MED12L: variants seen among roughly 807,000 people sequenced by gnomAD.
MED12L encodes mediator of RNA polymerase II transcription subunit 12-like protein.
Under a neutral mutation model 281.3 loss-of-function variants are expected in MED12L, and 60 were observed. The ratio of observed to expected loss-of-function variants is 0.21; its 90% CI spans 0.17 to 0.26. MED12L has a LOEUF of 0.26. Among genes scored for constraint, MED12L ranks in the 10% least tolerant of loss-of-function variants. The pLI, the probability that MED12L is intolerant of heterozygous loss-of-function variation, is 1.00. For synonymous variants in MED12L, 974 were observed against 987.2 expected, an observed-to-expected ratio of 0.99 and a Z score of 0.25; for missense variants, 2,146 against 2,680.9, an observed-to-expected ratio of 0.80 and a Z score of 4.41.
Position 151,127,892 on chromosome 3 carries a change from G to C in MED12L, c.464G>C (p.Arg155Pro). The C allele has an allele frequency of 6.2e-7, 1 of 1,613,738 alleles. No homozygotes were observed. The highest frequency in any genetic ancestry group is 8.5e-7 in the Non-Finnish European group (1 of 1,179,706). ...GCTAAATATTCTGTGCCAATGGTTC[G>C]AGCAACGTGGCTGATCAAGATGACT... ...YLAKYSVPMV[R>P]ATWLIKMTCA... Residue 155 changes from arginine to proline, a missense_variant, in exon 5 of 45, where the codon CGA becomes CCA. Around this residue, in one of 9 missense-constraint regions of MED12L, gnomAD observed 722 missense variants for 861.2 expected, o/e 0.84. Coordinates refer to ENST00000687756, the MANE Select transcript of MED12L (RefSeq NM_001393769.1).
chr3:151,199,468 A>G (rs1725211596), intron 16 of MED12L: 3 of 1,216,188 alleles, frequency 2.5e-6, no homozygotes. Flanking sequence ...AAGGGAGGTT[A>G]GTAATTAAAA....
At chr3:151,420,539 G>C (rs1718120234) in intron 43 of MED12L, among the ~76,000 whole-genome samples, 1 of 152,098 alleles carries the variant, frequency 6.6e-6, no homozygotes, top group Admixed American at 6.5e-5. Flanking sequence ...TGTGAATCCT[G>C]GCTATGGGAG....
At chr3:151,268,669 A>G (rs1740294002) in intron 16 of MED12L, among the ~76,000 whole-genome samples, 1 of 152,212 alleles carries the variant, frequency 6.6e-6, no homozygotes, top group South Asian at 2.1e-4. Flanking sequence ...TAGAGCCTTT[A>G]GTAAGCTTTG....
At chr3:151,093,113 C>G (rs546990128) in intron 2 of MED12L, among the ~76,000 whole-genome samples, 5 of 152,164 alleles carry the variant, frequency 3.3e-5, no homozygotes, top group Admixed American at 1.3e-4. Flanking sequence ...TGAGGCCAGC[C>G]TGGGCAACAT....
At chr3:151,430,403 G>A in intron 44 of MED12L, 23 bp downstream of exon 44, 1 of 1,612,170 alleles carries the variant, frequency 6.2e-7, no homozygotes, top group South Asian at 1.1e-5. Flanking sequence ...GTGTGTCATG[G>A]AACAGACAGC....
At chr3:151,322,363 A>G (rs1310152608) in intron 16 of MED12L, among the ~76,000 whole-genome samples, 1 of 150,404 alleles carries the variant, frequency 6.6e-6, no homozygotes, top group Non-Finnish European at 1.5e-5. Context: ...TTTTTTTTTT[A>G]TTTTTTTATT....
chr3:151,229,233 A>G (rs988243827), intron 16 of MED12L, among the ~76,000 whole-genome samples: 5 of 151,754 alleles, frequency 3.3e-5, no homozygotes, highest in African/African-American at 1.2e-4. Context: ...TGTTTTGTGT[A>G]TTAATCCCTG....
chr3:151,091,420 A>G (rs1720034230), intron 2 of MED12L, among the ~76,000 whole-genome samples: 1 of 152,186 alleles, frequency 6.6e-6, no homozygotes, highest in Non-Finnish European at 1.5e-5. Flanking sequence ...CAGAAATTGC[A>G]CTGGTGACAA....
intron 5 of MED12L, among the ~76,000 whole-genome samples, chr3:151,138,314 A>T (rs1007079732): frequency 1.8e-4 from 27 of 152,098 alleles, no homozygotes; most frequent in African/African-American, 6.5e-4. Context: ...TGTTAAAAAA[A>T]CTTTTTAGAT....
In MED12L at chr3:151,435,576, T is replaced by G. The variant is rs1720059137; in HGVS notation, c.*2772T>G. 6.6e-6 allele frequency: 1 copy of G among 152,122 alleles called. No homozygotes were observed. Among genetic ancestry groups the G allele is most frequent in the South Asian group, 2.1e-4 (1 of 4,830 alleles). 9.4% of individuals were successfully genotyped at this position (152,122 alleles called of 1,614,324 possible). On this transcript the variant is annotated 3_prime_UTR_variant, in exon 45 of 45. Coordinates refer to ENST00000687756, the MANE Select transcript of MED12L (RefSeq NM_001393769.1). ...ATTCTCGGTTTTGTGCACTGAGATA[T>G]CTAAGACCTATGGCATTTTTTTCCC...
rs1716921556 is a variant in MED12L, at chr3:151,411,434, A to G, written c.6067A>G (p.Ile2023Val). The change falls in exon 41 of 45, where the codon ATT becomes GTT. Residue 2023 changes from isoleucine (I) to valine (V), a missense_variant. This residue lies in a region of MED12L where 496 missense variants were observed against 512.0 expected (regional missense o/e 0.97). Transcript: ENST00000687756. ...NPVLMERLRQ[I>V]QQQPSGYVQQ... ...CGTGCTAATGGAAAGACTCAGACAGATTCAGCAGCAGCCGAGTGGCTATGT... is the reference window on the plus strand; with the variant it reads ...CGTGCTAATGGAAAGACTCAGACAGGTTCAGCAGCAGCCGAGTGGCTATGT... 2 of 1,614,156 alleles carry G rather than the reference A, an allele frequency of 1.2e-6. No individual in the cohort carries two copies. Among genetic ancestry groups the G allele is most frequent in the Non-Finnish European group, 1.7e-6 (2 of 1,180,032 alleles).
At chr3:151,139,472 AT>A (rs1304343906) in intron 5 of MED12L, among the ~76,000 whole-genome samples, 2 of 152,212 alleles carry the variant, frequency 1.3e-5, no homozygotes, top group African/African-American at 4.8e-5. Flanking sequence ...ATATTTTTAT[AT>A]GTGATTGTGT....
chr3:151,304,797 A>G (rs1052171239), intron 16 of MED12L, among the ~76,000 whole-genome samples: 1 of 152,176 alleles, frequency 6.6e-6, no homozygotes, highest in East Asian at 1.9e-4. Flanking sequence ...GGTTAAAATG[A>G]TGAACGTTTA....
chr3:151,388,160 C>G lies in MED12L; in HGVS notation c.5439C>G (p.Ser1813Arg), dbSNP rs374147158. Residue 1813 changes from serine (S) to arginine (R), a missense_variant, in exon 37 of 45, where the codon AGC becomes AGG. Coordinates refer to ENST00000687756, the MANE Select transcript of MED12L (RefSeq NM_001393769.1). Reference sequence around the variant, plus strand: ...GAAGGAAGCGCAAGACGAAATCTAGCTCAAGAGTTGATGTAAGTGGGGAAA... The same window carrying G: ...GAAGGAAGCGCAAGACGAAATCTAGGTCAAGAGTTGATGTAAGTGGGGAAA... ...TKGRKRKTKSSSRVDEYPQSN... is the reference protein window; with the variant it reads ...TKGRKRKTKSRSRVDEYPQSN... 3 of 1,598,884 alleles carry G rather than the reference C, an allele frequency of 1.9e-6. No homozygotes were observed. The highest frequency in any genetic ancestry group is 1.3e-5 in the African/African-American group (1 of 74,534).
intron 16 of MED12L, among the ~76,000 whole-genome samples, chr3:151,308,752 T>C (rs541866592): frequency 6.6e-6 from 1 of 152,314 alleles, no homozygotes; most frequent in African/African-American, 2.4e-5. Context: ...CAGTCATCAT[T>C]ATAGTTTTCT....
intron 16 of MED12L, among the ~76,000 whole-genome samples, chr3:151,298,436 T>G (rs1745394208): frequency 6.6e-6 from 1 of 152,252 alleles, no homozygotes; most frequent in African/African-American, 2.4e-5. Flanking sequence ...ATGTTGGATA[T>G]TATCAAACAT....
chr3:151,211,650 T>C (rs1319192675), intron 16 of MED12L, among the ~76,000 whole-genome samples: 2 of 152,192 alleles, frequency 1.3e-5, no homozygotes, highest in East Asian at 3.9e-4. Flanking sequence ...TATGAAGTAC[T>C]TTTGTTTCTT....
intron 5 of MED12L, among the ~76,000 whole-genome samples, chr3:151,137,591 A>G (rs568054420): frequency 2.4e-4 from 37 of 152,302 alleles, no homozygotes; most frequent in African/African-American, 8.2e-4. Context: ...GTGTGCATGT[A>G]TGTGGGGGTT....
chr3:151,406,520 A>G (rs1716327534), intron 39 of MED12L, among the ~76,000 whole-genome samples: 1 of 152,144 alleles, frequency 6.6e-6, no homozygotes, highest in Admixed American at 6.5e-5. Flanking sequence ...TTTCTCAGGG[A>G]GAATATTGCA....
Sources: allele counts gnomAD v4.1 joint callset (sites outside exome capture counted in the v4.1 genomes callset), GRCh38; gene constraint gnomAD v4.1.1; regional missense constraint gnomAD v4.1.1; transcripts MANE v1.5; gene names NCBI Gene and HGNC (gene_info 2026-07-23, HGNC 2026-07-21).